The following SAMSN1 variants were observed in gnomAD, a reference collection of about 807,000 sequenced individuals.
The protein encoded by SAMSN1 is SAM domain-containing protein SAMSN-1.
In SAMSN1, 31 loss-of-function variants were observed where a neutral mutation model predicts 42.0. That is an observed-to-expected ratio of 0.74 (90% CI 0.55 to 1.00). The LOEUF (loss-of-function observed/expected upper bound fraction) is 1.00, where lower values mean the gene tolerates loss of function less well. Among genes scored for constraint, SAMSN1 ranks in the 50% least tolerant of loss-of-function variants. The pLI, the probability that SAMSN1 is intolerant of heterozygous loss-of-function variation, is 0.00. For missense variants in SAMSN1, 464 were observed against 439.4 expected (o/e 1.06, Z -0.50); for synonymous variants, 178 against 151.9 (o/e 1.17, Z -1.26).
chr21:14,609,591 T>G (rs767593034), intron 4 of SAMSN1: 1 of 717,676 alleles, frequency 1.4e-6, no homozygotes, highest in South Asian at 1.5e-5. Flanking sequence ...AGATAATTGG[T>G]TAGCAGAATT....
At chr21:14,547,134 T>A (rs915348363), upstream of SAMSN1, among the ~76,000 whole-genome samples, 5 of 152,240 alleles carry the variant, frequency 3.3e-5, no homozygotes, top group African/African-American at 1.2e-4. Context: ...CCATTCTAAA[T>A]ATAAATGGGA....
At chr21:14,601,962 T>C in intron 6 of SAMSN1, 1 of 613,748 alleles carries the variant, frequency 1.6e-6, no homozygotes, top group Non-Finnish European at 3.0e-6. Flanking sequence ...CCTAATATAT[T>C]ACAGAGCTGA....
chr21:14,592,774 T>C (rs1982126802), intron 7 of SAMSN1: 1 of 211,832 alleles, frequency 4.7e-6, no homozygotes, highest in Admixed American at 5.4e-5. Flanking sequence ...ACGAATTAAG[T>C]GGCCTAAGAG....
intron 1 of SAMSN1, among the ~76,000 whole-genome samples, chr21:14,544,104 C>A (rs1291191240): frequency 6.6e-5 from 10 of 152,326 alleles, no homozygotes; most frequent in Admixed American, 6.5e-5. Context: ...GGCTGGAGTG[C>A]AGTGGCACGA....
intron 1 of SAMSN1, among the ~76,000 whole-genome samples, chr21:14,652,072 G>A (rs956900568): frequency 7.3e-5 from 10 of 136,662 alleles, no homozygotes; most frequent in African/African-American, 2.6e-4. Context: ...AAATAATATA[G>A]GTTCATGGAT....
chr21:14,601,969 C>G, intron 6 of SAMSN1: 1 of 626,946 alleles, frequency 1.6e-6, no homozygotes, highest in Non-Finnish European at 3.0e-6. Context: ...TATTACAGAG[C>G]TGAGTAACAA....
At chr21:14,528,783 G>C (rs1366217489) in intron 1 of SAMSN1, among the ~76,000 whole-genome samples, 2 of 151,992 alleles carry the variant, frequency 1.3e-5, no homozygotes, top group African/African-American at 2.4e-5. Flanking sequence ...ATCATCTAAA[G>C]TACCATGTCT....
chr21:14,489,067 C>A (rs1986563831), intron 7 of SAMSN1, among the ~76,000 whole-genome samples: 1 of 152,134 alleles, frequency 6.6e-6, no homozygotes, highest in Non-Finnish European at 1.5e-5. Flanking sequence ...TTCTTTCCTG[C>A]AGAGGAGATG....
At chr21:14,525,353 T>C (rs762710807) in intron 1 of SAMSN1, among the ~76,000 whole-genome samples, 6 of 152,144 alleles carry the variant, frequency 3.9e-5, no homozygotes, top group Non-Finnish European at 8.8e-5. Flanking sequence ...GCATGTTAAA[T>C]GTTACCAAGA....
chr21:14,656,205 T>C (rs1941438753), intron 1 of SAMSN1, among the ~76,000 whole-genome samples: 1 of 151,806 alleles, frequency 6.6e-6, no homozygotes, highest in African/African-American at 2.4e-5. Flanking sequence ...AATTTGACAA[T>C]ATGAACCTAA....
At position 14,648,957 on chromosome 21, in the gene SAMSN1, A is replaced by G. The variant is rs370059108; in HGVS notation, c.25-5824T>C. On this transcript the variant is annotated intron_variant, in intron 1 of 15. Transcript: ENST00000647101. ...AGGACTATAAATCATGCTGCTATAA[A>G]GACACATGCACACGTATGTTTATTG... Among the ~76,000 whole-genome samples, 10 of 151,804 alleles carry G rather than the reference A, an allele frequency of 6.6e-5. No homozygotes were observed. In the East Asian group the frequency reaches 1.7e-3, roughly 27 times the overall value.
chr21:14,559,666 AT>A (rs200177062), intron 2 of SAMSN1, among the ~76,000 whole-genome samples: 119 of 146,514 alleles, frequency 8.1e-4, no homozygotes, highest in South Asian at 3.0e-3. Context: ...TGCCTGTCTA[AT>A]TTTTTTTTTT....
At chr21:14,521,258 A>T (rs769300763) in intron 1 of SAMSN1, 37 bp from the exon 2 acceptor site, 1 of 1,485,538 alleles carries the variant, frequency 6.7e-7, no homozygotes, top group African/African-American at 1.4e-5. Context: ...GGAAACTTAG[A>T]ATTTATTTTC....
chr21:14,620,499 G>T (rs1275070955), intron 2 of SAMSN1, among the ~76,000 whole-genome samples: 1 of 152,126 alleles, frequency 6.6e-6, no homozygotes, highest in Non-Finnish European at 1.5e-5. Flanking sequence ...TTCCTTTATA[G>T]ATTGCCCAGT....
chr21:14,513,939 G>T (rs988622644), intron 3 of SAMSN1, among the ~76,000 whole-genome samples: 3 of 152,186 alleles, frequency 2.0e-5, no homozygotes, highest in Non-Finnish European at 4.4e-5. Flanking sequence ...TAGACCATGT[G>T]TGGTGGCCAT....
At chr21:14,556,699 G>A (rs1010688421) in intron 2 of SAMSN1, among the ~76,000 whole-genome samples, 18 of 152,136 alleles carry the variant, frequency 1.2e-4, no homozygotes, top group Admixed American at 6.6e-4. Flanking sequence ...ATGCTGCCTC[G>A]GAAGCCTACC....
At chr21:14,635,234 G>A (rs748988469) in intron 2 of SAMSN1, among the ~76,000 whole-genome samples, 1 of 152,076 alleles carries the variant, frequency 6.6e-6, no homozygotes, top group Non-Finnish European at 1.5e-5. Context: ...AATGTATGCG[G>A]GGCTTAAAAC....
At chr21:14,602,831 G>A (rs888907757) in intron 5 of SAMSN1, among the ~76,000 whole-genome samples, 1 of 152,096 alleles carries the variant, frequency 6.6e-6, no homozygotes, top group African/African-American at 2.4e-5. Flanking sequence ...CATTGCTTCA[G>A]TTTTCTACTA....
In SAMSN1 at chr21:14,577,265, TATATATATATATATATATA is replaced by T. The variant is rs1347132092; in HGVS notation, c.261+4852_261+4870del. 2.8e-4 allele frequency among the ~76,000 whole-genome samples: 15 copies of T among 52,904 alleles called. 1 individual carries two copies. Among genetic ancestry groups the T allele is most frequent in the Middle Eastern group, 6.7e-3 (1 of 150 alleles). 34.7% of individuals were successfully genotyped at this position (52,904 alleles called of 152,430 possible). ...ATATATATATATATATATATATATA[TATATATATATATATATATA>T]TTTTTTTTTTAGAAGAGACAGGGTT... On this transcript the variant is annotated intron_variant, in intron 2 of 8. Coordinates refer to the SAMSN1 transcript ENST00000285670.
Sources: gnomAD v4.1 joint callset for allele counts (sites outside exome capture counted in the v4.1 genomes callset) on GRCh38, gnomAD v4.1.1 for gene constraint, MANE v1.5 for transcripts, NCBI Gene and HGNC (gene_info 2026-07-23, HGNC 2026-07-21) for gene names.